The following SEC23A variants were observed in gnomAD, a reference collection of about 807,000 sequenced individuals.
SEC23A encodes SEC23 homolog A, COPII component.
Under a neutral mutation model 103.7 loss-of-function variants are expected in SEC23A, and 56 were observed. The ratio of observed to expected loss-of-function variants is 0.54; its 90% confidence interval spans 0.44 to 0.67. SEC23A has a LOEUF of 0.67. SEC23A is among the 30% of genes least tolerant of loss of function. The pLI is 0.00. For synonymous variants in SEC23A, 281 were observed against 293.0 expected (o/e 0.96, Z 0.42); for missense variants, 784 against 936.4 (o/e 0.84, Z 2.12).
intron 15 of SEC23A, among the ~76,000 whole-genome samples, chr14:39,045,860 A>G (rs1203240176): frequency 6.6e-6 from 1 of 152,208 alleles, no homozygotes; most frequent in Non-Finnish European, 1.5e-5. Flanking sequence ...ATATAAAAAT[A>G]AATTACAGAT....
chr14:39,081,353 T>A (rs1371565548), intron 7 of SEC23A, among the ~76,000 whole-genome samples: 1 of 152,196 alleles, frequency 6.6e-6, no homozygotes, highest in Non-Finnish European at 1.5e-5. Flanking sequence ...GAAAAAAGTT[T>A]AAACATTCAA....
intron 5 of SEC23A, chr14:39,087,838 A>G (rs866089659): frequency 1.3e-5 from 2 of 152,168 alleles, no homozygotes; most frequent in African/African-American, 4.8e-5. Flanking sequence ...CTATGCTAAA[A>G]CCTTTATATA....
chr14:39,037,624 A>T (rs72671353), intron 19 of SEC23A, among the ~76,000 whole-genome samples: 14,030 of 152,174 alleles, frequency 0.092, 745 homozygotes, highest in African/African-American at 0.16. Context: ...ATCAAGAAGA[A>T]TCTCCTACAT....
In SEC23A at chr14:39,086,820, T is replaced by C. The variant is rs1026705662; in HGVS notation, c.683+109A>G. The C allele has an allele frequency of 2.8e-5, 20 of 704,900 alleles. No homozygotes were observed. In the Admixed American group the frequency reaches 4.2e-4, roughly 15 times the overall value. 43.7% of individuals were successfully genotyped at this position (704,900 alleles called of 1,614,324 possible). A position where few individuals can be genotyped will look rare whatever the true frequency, so the allele number is the denominator to read the frequency against. On this transcript the variant is annotated intron_variant, in intron 6 of 19. Transcript: ENST00000307712. ...AGTATGTTAATACAATTTACTTATA[T>C]TCCTAAAAATATTTAACAATATAGT...
chr14:39,036,049 A>G (rs563938579), intron 19 of SEC23A, among the ~76,000 whole-genome samples: 52 of 152,098 alleles, frequency 3.4e-4, no homozygotes, highest in Non-Finnish European at 6.6e-4. Flanking sequence ...TCCCAGGCAC[A>G]GTGGCTCACA....
chr14:39,070,101 A>C (rs1886796327), intron 9 of SEC23A, among the ~76,000 whole-genome samples: 1 of 152,228 alleles, frequency 6.6e-6, no homozygotes, highest in South Asian at 2.1e-4. Context: ...ATGGGACAGC[A>C]CAAAGAATAT....
chr14:39,059,296 A>AC (rs1594452348), intron 13 of SEC23A, among the ~76,000 whole-genome samples: 1 of 116,174 alleles, frequency 8.6e-6, no homozygotes, highest in Non-Finnish European at 1.9e-5. Flanking sequence ...AAAAAAAAAA[A>AC]AAAAAAAAAA....
intron 1 of SEC23A, among the ~76,000 whole-genome samples, chr14:39,098,341 T>C (rs1887964138): frequency 6.6e-6 from 1 of 152,146 alleles, no homozygotes; most frequent in South Asian, 2.1e-4. Flanking sequence ...GATGTGAATA[T>C]AAATTCTAAG....
At chr14:39,058,922 C>G (rs1031233895) in intron 13 of SEC23A, among the ~76,000 whole-genome samples, 3 of 152,086 alleles carry the variant, frequency 2.0e-5, no homozygotes, top group African/African-American at 7.2e-5. Flanking sequence ...TTGCTTTAAA[C>G]TGAACTACAA....
At chr14:39,035,709 C>G (rs1165229162) in intron 19 of SEC23A, among the ~76,000 whole-genome samples, 1 of 152,186 alleles carries the variant, frequency 6.6e-6, no homozygotes, top group East Asian at 1.9e-4. Context: ...TCTGCTCTCT[C>G]CTGTCCAGAT....
In SEC23A at chr14:39,061,930, T is replaced by G. The variant is rs7156040; in HGVS notation, c.1399-59A>C. ...AATTTACTATGCTGTTGTCATATAA[T>G]CACAGGCTACATGTCCTAGCACTAA... On this transcript the variant is annotated intron_variant, in intron 12 of 19. Coordinates refer to ENST00000307712, the MANE Select transcript of SEC23A (RefSeq NM_006364.4). 7.7e-4 allele frequency: 808 copies of G among 1,045,422 alleles called. 1 individual carries two copies. The African/African-American group carries it at 7.7e-3, about 10-fold the overall frequency. 64.8% of individuals were successfully genotyped at this position (1,045,422 alleles called of 1,614,324 possible). A position where few individuals can be genotyped will look rare whatever the true frequency, so the allele number is the denominator to read the frequency against.
At chr14:39,077,703 G>A (rs1162227767) in intron 7 of SEC23A, among the ~76,000 whole-genome samples, 1 of 152,112 alleles carries the variant, frequency 6.6e-6, no homozygotes, top group African/African-American at 2.4e-5. Context: ...GTTGTTTTAG[G>A]TGGATCACTT....
At position 39,075,997 on chromosome 14, in the gene SEC23A, G is replaced by A. The variant is rs941659762; in HGVS notation, c.925C>T (p.Pro309Ser). The A allele has an allele frequency of 6.2e-7, 1 of 1,613,578 alleles. No individual in the cohort carries two copies. Among genetic ancestry groups the A allele is most frequent in the Non-Finnish European group, 8.5e-7 (1 of 1,179,876 alleles). Reference protein sequence around the residue: ...GMVVGDELKTPIRSWHDIDKD... With the variant: ...GMVVGDELKTSIRSWHDIDKD... ...TCAATGTCATGCCACGATCTTATAG[G>A]TGTCTTCAACTCATCTCCAACCACC... The change falls in exon 8 of 20, where the codon CCT becomes TCT. Residue 309 changes from proline to serine, a missense_variant. By Grantham distance (74) the Pro-to-Ser change is moderately conservative. Coordinates refer to ENST00000307712, the MANE Select transcript of SEC23A (RefSeq NM_006364.4).
chr14:39,101,225 T>C (rs543040011), intron 1 of SEC23A, among the ~76,000 whole-genome samples: 50 of 152,342 alleles, frequency 3.3e-4, no homozygotes, highest in Admixed American at 1.5e-3. Context: ...TACAATATAC[T>C]TTGGTTAAAT....
chr14:39,074,903 C>T (rs915466879), intron 8 of SEC23A, among the ~76,000 whole-genome samples: 4 of 151,848 alleles, frequency 2.6e-5, no homozygotes, highest in Non-Finnish European at 5.9e-5. Context: ...GTCAGGAGAT[C>T]GAGACCATCC....
intron 18 of SEC23A, chr14:39,040,499 T>C (rs911625030): frequency 2.5e-5 from 14 of 566,978 alleles, no homozygotes; most frequent in African/African-American, 1.9e-4. Flanking sequence ...TTCAGGAAGC[T>C]AGGCTAGAGA....
intron 13 of SEC23A, among the ~76,000 whole-genome samples, chr14:39,059,153 T>G (rs1886361771): frequency 6.6e-6 from 1 of 151,958 alleles, no homozygotes; most frequent in Non-Finnish European, 1.5e-5. Context: ...CCAAAATTCC[T>G]AGATCAAAGT....
chr14:39,086,931 G>A lies in SEC23A; in HGVS notation c.681C>T (p.Asn227=), dbSNP rs1360067497. 1.9e-6 allele frequency: 3 copies of A among 1,570,076 alleles called. No homozygotes were observed. The highest frequency in any genetic ancestry group is 1.7e-4 in the Middle Eastern group (1 of 6,006). Residue 227 remains asparagine (N), a splice_region_variant and synonymous_variant, in exon 6 of 20, where the codon AAC becomes AAT. Coordinates refer to ENST00000307712, the MANE Select transcript of SEC23A (RefSeq NM_006364.4). ...ATTCTCTTCATCATATTTATTACCT[G>A]TTGGAAGGAGGTGGCTGCTGTACCT... ...GPQVQQPPPS[N]RFLQPVQKID...
At chr14:39,095,810 A>G in intron 2 of SEC23A, 88 bp downstream of exon 2, 1 of 1,097,650 alleles carries the variant, frequency 9.1e-7, no homozygotes, top group Non-Finnish European at 1.4e-6. Flanking sequence ...ATGAACAAAA[A>G]CAAAGGGATT....
Sources: allele counts gnomAD v4.1 joint callset (sites outside exome capture counted in the v4.1 genomes callset), GRCh38; gene constraint gnomAD v4.1.1; transcripts MANE v1.5; gene names NCBI Gene and HGNC (gene_info 2026-07-23, HGNC 2026-07-21).